DYDC1: variants seen among roughly 807,000 people sequenced by gnomAD.
DYDC1 encodes the protein DPY30 domain containing 1.
DYDC1 carries 21 observed loss-of-function variants against 27.9 expected under a neutral mutation model. The ratio of observed to expected loss-of-function variants is 0.75; its 90% confidence interval spans 0.53 to 1.08. The LOEUF is 1.08. DYDC1 is among the 50% of genes least tolerant of loss of function. The pLI, the probability that DYDC1 is intolerant of heterozygous loss-of-function variation, is 0.00. For synonymous variants in DYDC1, 67 were observed against 65.8 expected, an observed-to-expected ratio of 1.02 and a Z score of -0.09; for missense variants, 202 against 205.9, an observed-to-expected ratio of 0.98 and a Z score of 0.12.
chr10:80,356,394 G>A lies in DYDC1; in HGVS notation c.-10+318C>T, dbSNP rs1362619005. The stretch of plus-strand genomic sequence containing the variant: ...GCTAGCCAGCCAGCCAGCCAACTGG[G>A]CGGGGGCACCCGGGCAGGGGTGCCA... On this transcript the variant is annotated intron_variant, in intron 1 of 6. Transcript: ENST00000372202. The A allele has an allele frequency of 1.1e-5, 11 of 985,574 alleles. No individual in the cohort carries two copies. In the South Asian group the frequency reaches 3.8e-4, roughly 34 times the overall value. The allele number at this position is 985,574 out of a possible 1,614,324, so 61.1% of individuals were successfully genotyped here.
intron 4 of DYDC1, 65 bp downstream of exon 4, chr10:80,342,204 A>C: frequency 6.6e-7 from 1 of 1,511,200 alleles, no homozygotes; most frequent in Non-Finnish European, 9.2e-7. Flanking sequence ...TAACAGCTGA[A>C]ATAAACAGTT....
intron 3 of DYDC1, among the ~76,000 whole-genome samples, chr10:80,349,099 G>A (rs911447048): frequency 1.3e-5 from 2 of 152,038 alleles, no homozygotes; most frequent in Non-Finnish European, 2.9e-5. Flanking sequence ...CACCGCGTTC[G>A]CCAGGATGGT....
At chr10:80,340,098 C>T (rs1353910275) in intron 4 of DYDC1, among the ~76,000 whole-genome samples, 1 of 152,164 alleles carries the variant, frequency 6.6e-6, no homozygotes, top group Admixed American at 6.6e-5. Flanking sequence ...TGTTCCCTAC[C>T]CATGTGCAGC....
Position 80,336,467 on chromosome 10 carries a change from A to C in DYDC1, c.505-282T>G, listed in dbSNP as rs960886296. Reference sequence around the variant, plus strand: ...CATCCCTTCAATGTTAGAATTGCTAATGGTTCCTCCCTGAGCCCCCAGGCC... The same window carrying C: ...CATCCCTTCAATGTTAGAATTGCTACTGGTTCCTCCCTGAGCCCCCAGGCC... On this transcript the variant is annotated intron_variant, in intron 6 of 6. Coordinates refer to ENST00000372202, the MANE Select transcript of DYDC1 (RefSeq NM_001269053.2). The C allele has an allele frequency of 5.5e-6, 3 of 548,802 alleles. No homozygotes were observed. The African/African-American group carries it at 6.2e-5, about 11-fold the overall frequency. The allele number at this position is 548,802 out of a possible 1,614,324, so 34.0% of individuals were successfully genotyped here.
chr10:80,345,712 A>G (rs1244651230), intron 3 of DYDC1, among the ~76,000 whole-genome samples: 1 of 151,818 alleles, frequency 6.6e-6, no homozygotes, highest in Non-Finnish European at 1.5e-5. Context: ...GGTTTATTTC[A>G]CTTAACATCA....
In DYDC1 at chr10:80,338,546, G is replaced by A; in HGVS notation, c.425C>T (p.Thr142Ile). 1 of 1,607,858 alleles carries A rather than the reference G, an allele frequency of 6.2e-7. No homozygotes were observed. The highest frequency in any genetic ancestry group is 8.5e-7 in the Non-Finnish European group (1 of 1,177,790). Residue 142 changes from threonine (T) to isoleucine (I), a missense_variant, in exon 6 of 7, where the codon ACA becomes ATA. Coordinates refer to ENST00000372202, the MANE Select transcript of DYDC1 (RefSeq NM_001269053.2). ...ATAACGATCGCTGATTTCAGCTAGTGTTTTGCCTGAGTCTAGTGTTGCTTC... is the reference window on the plus strand; with the variant it reads ...ATAACGATCGCTGATTTCAGCTAGTATTTTGCCTGAGTCTAGTGTTGCTTC... Reference protein sequence around the residue: ...SEEATLDSGKTLAEISDRYGA... With the variant: ...SEEATLDSGKILAEISDRYGA...
At chr10:80,346,039 G>C (rs1284978313) in intron 3 of DYDC1, among the ~76,000 whole-genome samples, 1 of 152,036 alleles carries the variant, frequency 6.6e-6, no homozygotes, top group African/African-American at 2.4e-5. Flanking sequence ...CTAGAGATGA[G>C]GTCTCCCTAT....
intron 4 of DYDC1, among the ~76,000 whole-genome samples, chr10:80,339,763 A>AT (rs1842258116): frequency 6.6e-6 from 1 of 152,190 alleles, no homozygotes. Context: ...CCCTGAGCTG[A>AT]TTCGTTTTGG....
At chr10:80,351,453 C>G (rs1253613459) in intron 3 of DYDC1, among the ~76,000 whole-genome samples, 1 of 151,248 alleles carries the variant, frequency 6.6e-6, no homozygotes, top group East Asian at 1.9e-4. Flanking sequence ...AAAGCATTGC[C>G]TACATTTTCC....
intron 6 of DYDC1, chr10:80,337,579 G>T (rs1842175139): frequency 2.7e-6 from 1 of 373,462 alleles, no homozygotes; most frequent in Non-Finnish European, 3.7e-6. Context: ...CTAAGCCTCT[G>T]AACAGAAATG....
intron 3 of DYDC1, among the ~76,000 whole-genome samples, chr10:80,348,689 G>C (rs1842806344): frequency 6.6e-6 from 1 of 152,158 alleles, no homozygotes; most frequent in South Asian, 2.1e-4. Context: ...CCTTCAGTTG[G>C]AAGTGGCTAT....
chr10:80,338,702 C>A, intron 5 of DYDC1, 131 bp from the exon 6 acceptor site: 2 of 934,578 alleles, frequency 2.1e-6, no homozygotes, highest in Non-Finnish European at 2.9e-6. Flanking sequence ...TGGAATTAAC[C>A]AATTTCTGTT....
intron 4 of DYDC1, among the ~76,000 whole-genome samples, chr10:80,342,024 CAAAA>C (rs60594545): frequency 8.3e-5 from 9 of 108,972 alleles, no homozygotes; most frequent in Admixed American, 1.8e-4. Flanking sequence ...GACTCCGTCT[CAAAA>C]AAAAAAAAAA....
intron 3 of DYDC1, among the ~76,000 whole-genome samples, chr10:80,351,207 C>T (rs1043318716): frequency 1.4e-4 from 22 of 152,122 alleles, no homozygotes; most frequent in Non-Finnish European, 3.2e-4. Context: ...AACAGTTGTA[C>T]GCAGAAGGTG....
In DYDC1 at chr10:80,339,230, C is replaced by T. The variant is rs76266718; in HGVS notation, c.343-77G>A. ...TCATGTTTAATTTTTGGCATTTTTA[C>T]TTTTACACAATGCTATGATGAATTT... On this transcript the variant is annotated intron_variant, in intron 4 of 6. Transcript: ENST00000372202. 1.5e-3 allele frequency: 881 copies of T among 585,822 alleles called. 2 individuals are homozygous for T. The highest frequency in any genetic ancestry group is 2.1e-3 in the Non-Finnish European group (775 of 368,054). The allele number at this position is 585,822 out of a possible 1,614,324, so 36.3% of individuals were successfully genotyped here.
Sources: gnomAD v4.1 joint callset for allele counts (sites outside exome capture counted in the v4.1 genomes callset) on GRCh38, gnomAD v4.1.1 for gene constraint, MANE v1.5 for transcripts, NCBI Gene and HGNC (gene_info 2026-07-23, HGNC 2026-07-21) for gene names.